The following BCAR3 variants were observed in gnomAD, a reference collection of about 807,000 sequenced individuals.
BCAR3 encodes BCAR3 adaptor protein, NSP family member.
A neutral mutation model predicts 80.1 loss-of-function variants in BCAR3; 37 were observed. That is an observed-to-expected ratio of 0.46 (90% confidence interval 0.36 to 0.61). The LOEUF (loss-of-function observed/expected upper bound fraction) is 0.61. Ranked by LOEUF, BCAR3 falls within the 20% of genes least tolerant of loss-of-function variation. The probability of loss-of-function intolerance (pLI) is 0.00; values close to 1 mark genes in which losing one functional copy is unlikely to be tolerated. For missense variants in BCAR3, 978 were observed against 1,068.2 expected, an observed-to-expected ratio of 0.92 and a Z score of 1.18; for synonymous variants, 389 against 418.9, an observed-to-expected ratio of 0.93 and a Z score of 0.87.
In BCAR3 at chr1:93,725,414, T is replaced by C. The variant is rs1234770194; in HGVS notation, c.-62-19272A>G. On this transcript the variant is annotated intron_variant, in intron 2 of 13. Coordinates refer to the BCAR3 transcript ENST00000370244. ...ATGAGGCCGAGCATCTTTCCACATA[T>C]TTATCACATATTTGTGTTTCTTCTT... 2.0e-5 allele frequency among the ~76,000 whole-genome samples: 3 copies of C among 152,232 alleles called. No individual in the cohort carries two copies. The East Asian group carries it at 5.8e-4, about 29-fold the overall frequency.
In BCAR3 at chr1:93,841,728, T is replaced by A. The variant is rs1654967421; in HGVS notation, c.-63+3839A>T. On this transcript the variant is annotated intron_variant, in intron 2 of 13. Transcript: ENST00000370244. ...GGACCAGATCATGTTCCCTTTATCC[T>A]TAGCTGTGTTTCTTGTCCTCTTCTG... 3.3e-5 allele frequency among the ~76,000 whole-genome samples: 5 copies of A among 152,224 alleles called. No individual in the cohort carries two copies. In the South Asian group the frequency reaches 1.0e-3, roughly 32 times the overall value.
chr1:93,719,780 C>A (rs546122369), intron 2 of BCAR3, among the ~76,000 whole-genome samples: 2 of 152,264 alleles, frequency 1.3e-5, no homozygotes, highest in African/African-American at 4.8e-5. Context: ...TCATGATGTT[C>A]ATGTTTACGG....
intron 2 of BCAR3, among the ~76,000 whole-genome samples, chr1:93,814,969 C>T (rs1653965812): frequency 1.3e-5 from 2 of 152,254 alleles, no homozygotes; most frequent in Admixed American, 6.5e-5. Context: ...CCCACACATT[C>T]CTTCCTCCTT....
intron 2 of BCAR3, among the ~76,000 whole-genome samples, chr1:93,788,427 G>A (rs1016018509): frequency 6.6e-6 from 1 of 152,136 alleles, no homozygotes; most frequent in African/African-American, 2.4e-5. Context: ...GCTTTAAGGA[G>A]ATTCTATTTT....
chr1:93,746,999 T>TGG (rs1206473035), intron 2 of BCAR3, among the ~76,000 whole-genome samples: 1 of 152,250 alleles, frequency 6.6e-6, no homozygotes, highest in Non-Finnish European at 1.5e-5. Context: ...CCTTAAATAT[T>TGG]GGCTTTCCTC....
chr1:93,777,595 A>ATT (rs34609475), intron 2 of BCAR3, among the ~76,000 whole-genome samples: 1 of 150,260 alleles, frequency 6.7e-6, no homozygotes, highest in African/African-American at 2.5e-5. Flanking sequence ...CTAATTTAAA[A>ATT]TTTTTTTTTG....
In BCAR3 at chr1:93,791,189, A is replaced by T. The variant is rs929797624; in HGVS notation, c.-63+54378T>A. Among the ~76,000 whole-genome samples, 5 of 76,448 alleles carry T rather than the reference A, an allele frequency of 6.5e-5. 1 individual carries two copies. The highest frequency in any genetic ancestry group is 1.1e-4 in the Non-Finnish European group (5 of 44,298). 50.2% of individuals were successfully genotyped at this position (76,448 alleles called of 152,430 possible). On this transcript the variant is annotated intron_variant, in intron 2 of 13. Coordinates refer to the BCAR3 transcript ENST00000370244. ...TACCCAGTATTGGGATGGCTGGGTC[A>T]AATGGTATTTCTAGTTCTAGATCCC...
rs1325753257 is a variant in BCAR3, at chr1:93,681,834, C to T, written c.-248G>A. 2.0e-5 allele frequency: 3 copies of T among 152,142 alleles called. No individual in the cohort carries two copies. The highest frequency in any genetic ancestry group is 7.2e-5 in the African/African-American group (3 of 41,432). The allele number at this position is 152,142 out of a possible 1,614,324, so 9.4% of individuals were successfully genotyped here. On this transcript the variant is annotated 5_prime_UTR_variant, in exon 1 of 12. Coordinates refer to ENST00000260502, the MANE Select transcript of BCAR3 (RefSeq NM_003567.4). Reference sequence around the variant, plus strand: ...CCCGCCCGGCCAGCAGCAGGCGCAGCTCTGAGCCGGCGGCGCGCACTCCGG... The same window carrying T: ...CCCGCCCGGCCAGCAGCAGGCGCAGTTCTGAGCCGGCGGCGCGCACTCCGG...
chr1:93,719,144 G>A (rs928098709), intron 2 of BCAR3, among the ~76,000 whole-genome samples: 2 of 151,966 alleles, frequency 1.3e-5, no homozygotes, highest in African/African-American at 4.8e-5. Flanking sequence ...TGAAAGGGAA[G>A]CCTCCAAATA....
chr1:93,823,470 T>A (rs1452845702), intron 2 of BCAR3, among the ~76,000 whole-genome samples: 1 of 133,494 alleles, frequency 7.5e-6, no homozygotes, highest in Admixed American at 7.8e-5. Context: ...ATCTTCCTTT[T>A]CCCTTCCACT....
intron 3 of BCAR3, among the ~76,000 whole-genome samples, chr1:93,606,722 C>A (rs533733748): frequency 2.6e-5 from 4 of 152,250 alleles, no homozygotes; most frequent in Admixed American, 2.6e-4. Context: ...TCCCAACTTT[C>A]ACCAAACAGA....
At chr1:93,598,597 T>C (rs1570953275) in intron 3 of BCAR3, among the ~76,000 whole-genome samples, 1 of 152,202 alleles carries the variant, frequency 6.6e-6, no homozygotes, top group Non-Finnish European at 1.5e-5. Flanking sequence ...CACAGTCTCC[T>C]TGGAAGATGA....
intron 2 of BCAR3, among the ~76,000 whole-genome samples, chr1:93,741,242 G>A (rs1244674946): frequency 6.6e-6 from 1 of 152,168 alleles, no homozygotes; most frequent in African/African-American, 2.4e-5. Context: ...TTTTATACTG[G>A]CTTGCAACTT....
intron 2 of BCAR3, among the ~76,000 whole-genome samples, chr1:93,716,579 T>A (rs1382313984): frequency 6.6e-6 from 1 of 152,152 alleles, no homozygotes; most frequent in Non-Finnish European, 1.5e-5. Context: ...TACTGCAAGA[T>A]CACTTGAGGG....
At chr1:93,567,624 C>A (rs982526280) in intron 10 of BCAR3, 116 bp downstream of exon 10, 2 of 1,376,680 alleles carry the variant, frequency 1.5e-6, no homozygotes, top group Non-Finnish European at 2.0e-6. Flanking sequence ...CTGATAAAAG[C>A]CCTGATGAGC....
chr1:93,699,029 G>T (rs147637486), intron 3 of BCAR3, among the ~76,000 whole-genome samples: 1 of 152,174 alleles, frequency 6.6e-6, no homozygotes, highest in Non-Finnish European at 1.5e-5. Flanking sequence ...GGGATGCAGC[G>T]CAGGGGACCT....
At chr1:93,668,166 G>GT (rs1461279899) in intron 2 of BCAR3, among the ~76,000 whole-genome samples, 1 of 152,174 alleles carries the variant, frequency 6.6e-6, no homozygotes, top group African/African-American at 2.4e-5. Flanking sequence ...CAGAGGAGAT[G>GT]TTACACAGCT....
chr1:93,642,850 C>T (rs1417487695), intron 2 of BCAR3, among the ~76,000 whole-genome samples: 1 of 152,244 alleles, frequency 6.6e-6, no homozygotes, highest in African/African-American at 2.4e-5. Flanking sequence ...GGAGCCTTCT[C>T]TTCTCATCGC....
chr1:93,759,284 C>T (rs1651851830), intron 2 of BCAR3, among the ~76,000 whole-genome samples: 1 of 152,194 alleles, frequency 6.6e-6, no homozygotes, highest in South Asian at 2.1e-4. Context: ...CTCTCTTTCT[C>T]TACCCTTCAC....
Sources: gnomAD v4.1 joint callset for allele counts (sites outside exome capture counted in the v4.1 genomes callset) on GRCh38, gnomAD v4.1.1 for gene constraint, MANE v1.5 for transcripts, NCBI Gene and HGNC (gene_info 2026-07-23, HGNC 2026-07-21) for gene names.